The following SPOCK1 variants were observed in gnomAD, a reference collection of about 807,000 sequenced individuals.
SPOCK1 encodes testican-1.
Under a neutral mutation model 55.3 loss-of-function variants are expected in SPOCK1, and 23 were observed. The ratio of observed to expected loss-of-function variants is 0.42; its 90% CI spans 0.30 to 0.59. SPOCK1 has a LOEUF of 0.59. Among genes scored for constraint, SPOCK1 ranks in the 20% least tolerant of loss-of-function variants. The probability of loss-of-function intolerance (pLI) is 0.22; values close to 1 mark genes in which losing one functional copy is unlikely to be tolerated. For missense variants in SPOCK1, 499 were observed against 552.5 expected, an observed-to-expected ratio of 0.90 and a Z score of 0.97; for synonymous variants, 226 against 221.0, an observed-to-expected ratio of 1.02 and a Z score of -0.20.
rs566870323 is a variant in SPOCK1, at chr5:137,039,132, G to A, written c.589+28583C>T. On this transcript the variant is annotated intron_variant, in intron 6 of 10. Coordinates refer to ENST00000394945, the MANE Select transcript of SPOCK1 (RefSeq NM_004598.4). ...CATTAAAACCTCAAAACAACTCCAC[G>A]AGGAGGTATTGTTATTCTTATTTCC... 3.3e-4 allele frequency among the ~76,000 whole-genome samples: 50 copies of A among 152,150 alleles called. No individual in the cohort carries two copies. In the South Asian group the frequency reaches 8.7e-3, roughly 27 times the overall value.
chr5:137,377,027 A>G (rs1751333369), intron 2 of SPOCK1, among the ~76,000 whole-genome samples: 1 of 152,208 alleles, frequency 6.6e-6, no homozygotes, highest in Non-Finnish European at 1.5e-5. Flanking sequence ...CTGGGCTCTC[A>G]TTGCTCCACA....
chr5:137,496,799 G>A (rs1754308200), intron 2 of SPOCK1, among the ~76,000 whole-genome samples: 1 of 152,190 alleles, frequency 6.6e-6, no homozygotes, highest in South Asian at 2.1e-4. Flanking sequence ...GAATCTCACT[G>A]GGGTAGGGGA....
chr5:137,473,590 A>G (rs1373690281), intron 2 of SPOCK1, among the ~76,000 whole-genome samples: 1 of 152,240 alleles, frequency 6.6e-6, no homozygotes, highest in Non-Finnish European at 1.5e-5. Context: ...TTTTCAAGAA[A>G]TTTTAAAGTG....
intron 3 of SPOCK1, among the ~76,000 whole-genome samples, chr5:137,237,139 T>C (rs1756197318): frequency 6.6e-6 from 1 of 152,226 alleles, no homozygotes; most frequent in Non-Finnish European, 1.5e-5. Flanking sequence ...GGCAAGCAAC[T>C]GGTAATTGCA....
At chr5:137,197,016 T>G (rs190751808) in intron 3 of SPOCK1, among the ~76,000 whole-genome samples, 11 of 152,324 alleles carry the variant, frequency 7.2e-5, no homozygotes, top group Admixed American at 5.9e-4. Context: ...GCAAAGAGGT[T>G]GACCAAAGTC....
intron 2 of SPOCK1, among the ~76,000 whole-genome samples, chr5:137,316,755 G>A (rs1160132325): frequency 6.6e-6 from 1 of 152,216 alleles, no homozygotes; most frequent in Non-Finnish European, 1.5e-5. Flanking sequence ...CCAAGACAGA[G>A]TCTTAAATTG....
At chr5:137,085,574 C>T (rs1161699467) in intron 5 of SPOCK1, among the ~76,000 whole-genome samples, 2 of 152,180 alleles carry the variant, frequency 1.3e-5, no homozygotes, top group African/African-American at 4.8e-5. Flanking sequence ...GGAGGAAGAA[C>T]ACTCACCTTT....
chr5:137,300,510 A>G (rs930354091), intron 2 of SPOCK1, among the ~76,000 whole-genome samples: 3 of 152,146 alleles, frequency 2.0e-5, no homozygotes, highest in African/African-American at 4.8e-5. Context: ...TTTTATTTTT[A>G]TGTTCCAATA....
intron 4 of SPOCK1, among the ~76,000 whole-genome samples, chr5:137,134,828 A>G (rs1010604600): frequency 6.6e-6 from 1 of 152,236 alleles, no homozygotes. Context: ...AGAGTTTGGT[A>G]TTTGAGGCAC....
intron 9 of SPOCK1, among the ~76,000 whole-genome samples, chr5:136,979,719 T>C (rs1037243379): frequency 2.0e-5 from 3 of 152,216 alleles, no homozygotes; most frequent in African/African-American, 7.2e-5. Context: ...TGAATACTTC[T>C]ATTCTGGGCA....
chr5:137,016,500 C>A (rs955655322), intron 6 of SPOCK1, among the ~76,000 whole-genome samples: 1 of 152,244 alleles, frequency 6.6e-6, no homozygotes, highest in South Asian at 2.1e-4. Context: ...GAAAATAAAT[C>A]CTATACCAAA....
intron 6 of SPOCK1, among the ~76,000 whole-genome samples, chr5:137,015,214 G>C (rs1298437608): frequency 6.6e-6 from 1 of 151,740 alleles, no homozygotes; most frequent in Non-Finnish European, 1.5e-5. Flanking sequence ...GGCCGAGGTG[G>C]GCAGATCACG....
At chr5:137,375,024 G>A (rs1215606234) in intron 2 of SPOCK1, among the ~76,000 whole-genome samples, 1 of 151,990 alleles carries the variant, frequency 6.6e-6, no homozygotes, top group East Asian at 1.9e-4. Context: ...CATTTTATCT[G>A]TTTCCTATGA....
At chr5:137,242,373 G>T (rs1360711639) in intron 3 of SPOCK1, among the ~76,000 whole-genome samples, 1 of 152,132 alleles carries the variant, frequency 6.6e-6, no homozygotes, top group Non-Finnish European at 1.5e-5. Flanking sequence ...TTTATAAAGG[G>T]TAGTTCCCTA....
chr5:137,075,983 T>A (rs564909451), intron 5 of SPOCK1, among the ~76,000 whole-genome samples: 1 of 152,364 alleles, frequency 6.6e-6, no homozygotes, highest in South Asian at 2.1e-4. Context: ...CGGAGAATAG[T>A]GCAGATGAGG....
intron 3 of SPOCK1, among the ~76,000 whole-genome samples, chr5:137,213,143 A>G (rs1310393144): frequency 6.6e-6 from 1 of 152,180 alleles, no homozygotes; most frequent in Non-Finnish European, 1.5e-5. Flanking sequence ...GGGGGAAAAG[A>G]GTGGAGAAAT....
At chr5:137,096,297 A>T (rs2127022290) in intron 5 of SPOCK1, among the ~76,000 whole-genome samples, 1 of 137,042 alleles carries the variant, frequency 7.3e-6, no homozygotes, top group South Asian at 2.4e-4. Flanking sequence ...TCCCAAGACA[A>T]AAAAGAAAAA....
chr5:137,211,059 AT>A (rs1755605318), intron 3 of SPOCK1, among the ~76,000 whole-genome samples: 1 of 152,226 alleles, frequency 6.6e-6, no homozygotes, highest in African/African-American at 2.4e-5. Context: ...CGTATACCTG[AT>A]GCCCAAAGAG....
At chr5:137,070,448 T>A (rs1489398029) in intron 5 of SPOCK1, among the ~76,000 whole-genome samples, 1 of 152,134 alleles carries the variant, frequency 6.6e-6, no homozygotes, top group Non-Finnish European at 1.5e-5. Flanking sequence ...TGATATGACA[T>A]ACACAGAGCC....
Sources: allele counts gnomAD v4.1 joint callset (sites outside exome capture counted in the v4.1 genomes callset), GRCh38; gene constraint gnomAD v4.1.1; transcripts MANE v1.5; gene names NCBI Gene and HGNC (gene_info 2026-07-23, HGNC 2026-07-21).